DNPEP: variants seen among roughly 807,000 people sequenced by gnomAD.
DNPEP encodes the protein aspartyl aminopeptidase.
A neutral mutation model predicts 59.1 loss-of-function variants in DNPEP; 46 were observed. That is an observed-to-expected ratio of 0.78 (90% CI 0.61 to 0.99). DNPEP has a LOEUF of 0.99. Among genes scored for constraint, DNPEP ranks in the 50% least tolerant of loss-of-function variants. The pLI, the probability that DNPEP is intolerant of heterozygous loss-of-function variation, is 0.00. For missense variants in DNPEP, 617 were observed against 649.9 expected, an observed-to-expected ratio of 0.95 and a Z score of 0.55; for synonymous variants, 229 against 242.2, an observed-to-expected ratio of 0.95 and a Z score of 0.50.
chr2:219,394,460 A>G (rs1954065053), intron 1 of DNPEP, among the ~76,000 whole-genome samples: 1 of 152,204 alleles, frequency 6.6e-6, no homozygotes, highest in Non-Finnish European at 1.5e-5. Flanking sequence ...TTTTTAAAAT[A>G]GAGATGAGGT....
At chr2:219,389,662 T>G (rs1474167223), upstream of DNPEP, among the ~76,000 whole-genome samples, 1 of 151,904 alleles carries the variant, frequency 6.6e-6, no homozygotes, top group Non-Finnish European at 1.5e-5. Flanking sequence ...AAACCCCGTC[T>G]CTACAAAAAA....
intron 1 of DNPEP, among the ~76,000 whole-genome samples, chr2:219,394,961 T>G (rs1381147110): frequency 1.4e-5 from 2 of 142,796 alleles, no homozygotes; most frequent in South Asian, 2.2e-4. Flanking sequence ...CAAGACAAGG[T>G]TTTTTTTTTT....
chr2:219,387,643 C>A (rs1375207934), intron 1 of DNPEP, 116 bp downstream of exon 1: 19 of 1,554,054 alleles, frequency 1.2e-5, no homozygotes, highest in Non-Finnish European at 1.7e-5. Flanking sequence ...GCGGGGCTTT[C>A]GGTTTCGCTT....
intron 1 of DNPEP, 39 bp downstream of exon 1, chr2:219,387,720 G>C: frequency 1.2e-6 from 2 of 1,607,780 alleles, no homozygotes; most frequent in Non-Finnish European, 1.7e-6. Flanking sequence ...GACCCGGTCT[G>C]GGATCGAAAT....
intron 13 of DNPEP, among the ~76,000 whole-genome samples, chr2:219,377,643 G>C (rs1204501343): frequency 6.6e-6 from 1 of 152,182 alleles, no homozygotes; most frequent in Non-Finnish European, 1.5e-5. Context: ...CTGAAATGGG[G>C]TTGGGAATGG....
At chr2:219,385,744 G>A in intron 6 of DNPEP, 38 bp from the exon 7 acceptor site, 1 of 1,550,544 alleles carries the variant, frequency 6.4e-7, no homozygotes, top group Non-Finnish European at 8.8e-7. Context: ...ATTGCGAGGA[G>A]GGCACAGCTG....
intron 10 of DNPEP, among the ~76,000 whole-genome samples, chr2:219,382,648 A>G (rs1287343526): frequency 6.6e-6 from 1 of 151,880 alleles, no homozygotes; most frequent in African/African-American, 2.4e-5. Context: ...CTTCCTACTA[A>G]CTCAGTGTAG....
At chr2:219,376,486 TAA>T (rs542466059) in intron 13 of DNPEP, among the ~76,000 whole-genome samples, 6 of 122,606 alleles carry the variant, frequency 4.9e-5, no homozygotes, top group Admixed American at 1.7e-4. Context: ...AGACCCTGTC[TAA>T]AAAAAAAAAA....
At chr2:219,375,066 T>C (rs1198561917) in intron 13 of DNPEP, 44 bp from the exon 14 acceptor site, 2 of 1,600,160 alleles carry the variant, frequency 1.2e-6, no homozygotes, top group African/African-American at 2.7e-5. Context: ...AGTGTGTGCT[T>C]ATCAGAGCCA....
Position 219,374,152 on chromosome 2 carries a change from A to T in DNPEP, c.*140T>A, listed in dbSNP as rs1042865317. ...GTTCCAAAGGTTCAAGCCAGGCTCAACTCCCACTCCTCTAGTCTCCAAATA... is the reference window on the plus strand; with the variant it reads ...GTTCCAAAGGTTCAAGCCAGGCTCATCTCCCACTCCTCTAGTCTCCAAATA... On this transcript the variant is annotated 3_prime_UTR_variant, in exon 15 of 15. Transcript: ENST00000273075. The T allele has an allele frequency of 2.4e-6, 2 of 837,508 alleles. No individual in the cohort carries two copies. The highest frequency in any genetic ancestry group is 3.8e-6 in the Non-Finnish European group (2 of 526,310). 51.9% of individuals were successfully genotyped at this position (837,508 alleles called of 1,614,324 possible).
chr2:219,378,451 A>G (rs181902772), intron 13 of DNPEP, among the ~76,000 whole-genome samples: 92 of 152,280 alleles, frequency 6.0e-4, no homozygotes, highest in Non-Finnish European at 1.0e-3. Context: ...GTCCTCAGAG[A>G]AGGCTTCCTG....
intron 1 of DNPEP, 100 bp downstream of exon 1, chr2:219,387,659 C>G: frequency 1.3e-6 from 2 of 1,567,626 alleles, no homozygotes; most frequent in Non-Finnish European, 1.7e-6. Context: ...CGCTTTGGGT[C>G]AGGCGGCCCC....
At chr2:219,386,832 C>T in intron 3 of DNPEP, 54 bp from the exon 4 acceptor site, 1 of 1,610,298 alleles carries the variant, frequency 6.2e-7, no homozygotes, top group Non-Finnish European at 8.5e-7. Context: ...TCAGCTGGCA[C>T]ACAGGGCTTG....
At chr2:219,391,212 A>G (rs891147462), upstream of DNPEP, among the ~76,000 whole-genome samples, 6 of 152,184 alleles carry the variant, frequency 3.9e-5, no homozygotes, top group African/African-American at 1.2e-4. Flanking sequence ...GCCTCTATTC[A>G]TAAGTCCCTA....
At chr2:219,388,683 G>C (rs949426511), upstream of DNPEP, 13 of 985,568 alleles carry the variant, frequency 1.3e-5, no homozygotes, top group African/African-American at 5.2e-5. Context: ...CCAATAAAAA[G>C]CTCGCCCCTC....
chr2:219,386,871 CCCCCA>C lies in DNPEP; in HGVS notation c.219+16_219+20del. 1 of 1,595,670 alleles carries C rather than the reference CCCCCA, an allele frequency of 6.3e-7. No individual in the cohort carries two copies. The highest frequency in any genetic ancestry group is 8.6e-7 in the Non-Finnish European group (1 of 1,163,366). The stretch of plus-strand genomic sequence containing the variant: ...ACCAGCCTAGGGACCTGCCTTTCCA[CCCCCA>C]CCCCACCCCCAGTACCTTGCTCTCG... On this transcript the variant is annotated intron_variant, in intron 3 of 14. Coordinates refer to ENST00000273075, the MANE Select transcript of DNPEP (RefSeq NM_012100.4).
chr2:219,385,532 C>T lies in DNPEP; in HGVS notation c.667-1G>A, dbSNP rs369385881. 3 of 1,603,758 alleles carry T rather than the reference C, an allele frequency of 1.9e-6. No individual in the cohort carries two copies. In the African/African-American group the frequency reaches 4.0e-5, roughly 21 times the overall value. ...TGAGGACCGAATGGTGCCGCTCATC[C>T]TGAAGAGCAGAAAGATGCTGGGAAG... On this transcript the variant is annotated splice_acceptor_variant, in intron 7 of 14. Transcript: ENST00000273075. LOFTEE classifies it high-confidence loss of function.
rs1382351921 is a variant in DNPEP, at chr2:219,383,234, G to GC, written c.853-21_853-20insG. ...CAAGGCCTGGTTCAGGGAAGGAAAT[G>GC]AGAGCATCATCTCCAACCTGCTTCT... On this transcript the variant is annotated intron_variant, in intron 9 of 14. Transcript: ENST00000273075. The GC allele has an allele frequency of 6.2e-7, 1 of 1,610,938 alleles. No homozygotes were observed. Among genetic ancestry groups the GC allele is most frequent in the African/African-American group, 1.3e-5 (1 of 74,886 alleles).
At chr2:219,392,778 G>A (rs1954039026), upstream of DNPEP, among the ~76,000 whole-genome samples, 1 of 152,136 alleles carries the variant, frequency 6.6e-6, no homozygotes, top group Non-Finnish European at 1.5e-5. Context: ...CCAAAGTGCT[G>A]GGATTACACG....
Sources: gnomAD v4.1 joint callset for allele counts (sites outside exome capture counted in the v4.1 genomes callset) on GRCh38, gnomAD v4.1.1 for gene constraint, MANE v1.5 for transcripts, NCBI Gene and HGNC (gene_info 2026-07-23, HGNC 2026-07-21) for gene names.